The following NIBAN1 variants were observed in gnomAD, a reference collection of about 807,000 sequenced individuals.
The protein encoded by NIBAN1 is protein Niban 1.
NIBAN1 carries 81 observed loss-of-function variants against 75.1 expected under a neutral mutation model. The ratio of observed to expected loss-of-function variants is 1.08; its 90% CI spans 0.90 to 1.30. NIBAN1 has a LOEUF of 1.30. Ranked by LOEUF, NIBAN1 falls within the 50% of genes most tolerant of loss-of-function variation. The pLI is 0.00. For missense variants in NIBAN1, 1,133 were observed against 1,128.1 expected (o/e 1.00, Z -0.06); for synonymous variants, 436 against 424.8 (o/e 1.03, Z -0.32).
rs886755259 is a variant in NIBAN1, at chr1:184,963,065, G to GA, written c.55+11236dup. ...TTTATTAATGCAAGTGGTAAAGTAA[G>GA]AAAAAAATACATAAGCAAATCAAAA... is the stretch of plus-strand genomic sequence containing the variant. On this transcript the variant is annotated intron_variant, in intron 1 of 13. Transcript: ENST00000367511. 4.0e-5 allele frequency among the ~76,000 whole-genome samples: 6 copies of GA among 150,744 alleles called. No homozygotes were observed. The South Asian group carries it at 6.3e-4, about 16-fold the overall frequency.
intron 5 of NIBAN1, among the ~76,000 whole-genome samples, chr1:184,865,188 A>G (rs552343055): frequency 4.9e-4 from 74 of 152,284 alleles, no homozygotes; most frequent in African/African-American, 1.7e-3. Context: ...GCCACTGTGG[A>G]AAGCAGTCTG....
At chr1:184,820,848 A>G (rs1056131523) in intron 8 of NIBAN1, among the ~76,000 whole-genome samples, 1 of 152,266 alleles carries the variant, frequency 6.6e-6, no homozygotes, top group Non-Finnish European at 1.5e-5. Flanking sequence ...TGAGGATTAA[A>G]TGAGTTTACT....
chr1:184,922,753 C>G (rs112306178), intron 1 of NIBAN1, among the ~76,000 whole-genome samples: 1 of 152,080 alleles, frequency 6.6e-6, no homozygotes, highest in Non-Finnish European at 1.5e-5. Flanking sequence ...ATTACAGGCA[C>G]CTGCCATGAC....
intron 1 of NIBAN1, among the ~76,000 whole-genome samples, chr1:184,973,373 T>C (rs1240759211): frequency 1.3e-5 from 2 of 151,926 alleles, no homozygotes. Flanking sequence ...AAGGGCCAAA[T>C]AAACCTAGAG....
chr1:184,810,957 A>G (rs1557873027), intron 9 of NIBAN1, among the ~76,000 whole-genome samples: 1 of 152,178 alleles, frequency 6.6e-6, no homozygotes, highest in Non-Finnish European at 1.5e-5. Context: ...GTGTCCATTG[A>G]TCTCTCAGAG....
intron 1 of NIBAN1, among the ~76,000 whole-genome samples, chr1:184,959,027 A>T (rs1658561294): frequency 6.6e-6 from 1 of 152,240 alleles, no homozygotes; most frequent in African/African-American, 2.4e-5. Context: ...AAAATCTCTG[A>T]ATTCTTTTTA....
At chr1:184,802,423 T>C (rs948663324) in intron 12 of NIBAN1, among the ~76,000 whole-genome samples, 3 of 152,178 alleles carry the variant, frequency 2.0e-5, no homozygotes, top group African/African-American at 7.2e-5. Flanking sequence ...AGAACATCTG[T>C]GTGCAAACCC....
At position 184,808,058 on chromosome 1, in the gene NIBAN1, C is replaced by T; in HGVS notation, c.1335+16G>A. ...TCTTTACCCTCATCCACCACGGATGCCCCTGCCACACCCACCTCCTGCATG... is the reference window on the plus strand; with the variant it reads ...TCTTTACCCTCATCCACCACGGATGTCCCTGCCACACCCACCTCCTGCATG... On this transcript the variant is annotated intron_variant, in intron 10 of 13. Coordinates refer to ENST00000367511, the MANE Select transcript of NIBAN1 (RefSeq NM_052966.4). The T allele has an allele frequency of 2.5e-6, 4 of 1,613,188 alleles. No individual in the cohort carries two copies. The highest frequency in any genetic ancestry group is 3.4e-6 in the Non-Finnish European group (4 of 1,179,410).
intron 1 of NIBAN1, among the ~76,000 whole-genome samples, chr1:184,955,804 C>T (rs1464882329): frequency 2.0e-5 from 3 of 152,034 alleles, no homozygotes; most frequent in Non-Finnish European, 4.4e-5. Context: ...ACAGGAATTG[C>T]CAATGGAAAG....
chr1:184,973,212 G>T (rs1409635998), intron 1 of NIBAN1, among the ~76,000 whole-genome samples: 4 of 152,108 alleles, frequency 2.6e-5, no homozygotes, highest in Non-Finnish European at 5.9e-5. Flanking sequence ...ACCTCCAAAA[G>T]CACCAGAGCA....
chr1:184,866,960 C>T (rs1655973210), intron 5 of NIBAN1, among the ~76,000 whole-genome samples: 1 of 152,076 alleles, frequency 6.6e-6, no homozygotes, highest in African/African-American at 2.4e-5. Flanking sequence ...AATTTCTTCC[C>T]CCTTCTATTG....
intron 5 of NIBAN1, among the ~76,000 whole-genome samples, chr1:184,843,631 T>C (rs1294830284): frequency 6.6e-6 from 1 of 152,224 alleles, no homozygotes; most frequent in East Asian, 1.9e-4. Context: ...AATTATTTCC[T>C]ATCTTCCCTG....
chr1:184,927,630 C>A (rs1020486411), intron 1 of NIBAN1, among the ~76,000 whole-genome samples: 1 of 152,116 alleles, frequency 6.6e-6, no homozygotes, highest in South Asian at 2.1e-4. Context: ...AGGACTCACC[C>A]AAGGCCTGTG....
At chr1:184,925,854 G>A (rs899561528) in intron 1 of NIBAN1, among the ~76,000 whole-genome samples, 12 of 152,074 alleles carry the variant, frequency 7.9e-5, no homozygotes, top group African/African-American at 1.9e-4. Context: ...TACTCAAGAC[G>A]TGAGTAGTTT....
intron 13 of NIBAN1, among the ~76,000 whole-genome samples, chr1:184,797,462 A>C (rs1339904642): frequency 6.6e-6 from 1 of 151,918 alleles, no homozygotes; most frequent in Non-Finnish European, 1.5e-5. Context: ...TATTTTAAAC[A>C]AAGTTTTCCT....
At chr1:184,819,283 T>G (rs1654626929) in intron 8 of NIBAN1, among the ~76,000 whole-genome samples, 1 of 152,152 alleles carries the variant, frequency 6.6e-6, no homozygotes, top group Non-Finnish European at 1.5e-5. Flanking sequence ...TTTTAAGAAC[T>G]CCAGTACATT....
chr1:184,804,710 CTT>C (rs368817529), intron 11 of NIBAN1, among the ~76,000 whole-genome samples: 1 of 144,038 alleles, frequency 6.9e-6, no homozygotes, highest in Non-Finnish European at 1.5e-5. Context: ...CTGACACTAT[CTT>C]TTTTTTTTTA....
intron 6 of NIBAN1, among the ~76,000 whole-genome samples, chr1:184,827,267 C>T (rs1654866413): frequency 6.6e-6 from 1 of 152,030 alleles, no homozygotes; most frequent in Non-Finnish European, 1.5e-5. Flanking sequence ...CACAGGGCAG[C>T]AGAGCCTGTG....
chr1:184,871,211 G>T (rs1222648274), intron 5 of NIBAN1, among the ~76,000 whole-genome samples: 8 of 151,958 alleles, frequency 5.3e-5, no homozygotes, highest in Non-Finnish European at 7.4e-5. Context: ...GCCAAGCATG[G>T]TGGTGTGTGC....
Sources: gnomAD v4.1 joint callset for allele counts (sites outside exome capture counted in the v4.1 genomes callset) on GRCh38, gnomAD v4.1.1 for gene constraint, MANE v1.5 for transcripts, NCBI Gene and HGNC (gene_info 2026-07-23, HGNC 2026-07-21) for gene names.